COG5: variants seen among roughly 807,000 people sequenced by gnomAD.
COG5 encodes component of oligomeric golgi complex 5, also known as conserved oligomeric Golgi complex subunit 5.
In COG5, 86 loss-of-function variants were observed where a neutral mutation model predicts 110.4. The ratio of observed to expected loss-of-function variants is 0.78; its 90% CI spans 0.65 to 0.93. COG5 has a LOEUF of 0.93. COG5 is among the 40% of genes least tolerant of loss of function. The pLI is 0.00. For synonymous variants in COG5, 360 were observed against 334.6 expected, an observed-to-expected ratio of 1.08 and a Z score of -0.83; for missense variants, 1,077 against 987.0, an observed-to-expected ratio of 1.09 and a Z score of -1.22.
At chr7:107,400,301 A>G (rs1027641172) in intron 7 of COG5, among the ~76,000 whole-genome samples, 1 of 150,868 alleles carries the variant, frequency 6.6e-6, no homozygotes, top group African/African-American at 2.5e-5. Flanking sequence ...TAAGAGGAAG[A>G]GCACACTGTA....
At position 107,282,614 on chromosome 7, in the gene COG5, C is replaced by A. The variant is rs578202571; in HGVS notation, c.1475+957G>T. Among the ~76,000 whole-genome samples, 6 of 152,248 alleles carry A rather than the reference C, an allele frequency of 3.9e-5. No individual in the cohort carries two copies. The South Asian group carries it at 1.0e-3, about 26-fold the overall frequency. ...TCGGCTCACTGCAGCCTTCGCCTCC[C>A]GGATTCAAGCGATTCTGATGCCTCA... On this transcript the variant is annotated intron_variant, in intron 13 of 21. Transcript: ENST00000297135.
chr7:107,366,461 T>C (rs1243889122), intron 8 of COG5, among the ~76,000 whole-genome samples: 4 of 151,516 alleles, frequency 2.6e-5, no homozygotes, highest in African/African-American at 9.8e-5. Flanking sequence ...ACATTCAATA[T>C]ACAATGGAAG....
chr7:107,451,048 C>T (rs967153019), intron 6 of COG5, among the ~76,000 whole-genome samples: 3 of 152,278 alleles, frequency 2.0e-5, no homozygotes, highest in East Asian at 3.9e-4. Context: ...TAGAAGAGAA[C>T]TCCAATAGAG....
intron 11 of COG5, among the ~76,000 whole-genome samples, chr7:107,298,963 G>A (rs1807009100): frequency 6.6e-6 from 1 of 152,040 alleles, no homozygotes; most frequent in Non-Finnish European, 1.5e-5. Context: ...AATCAAAAGG[G>A]AAATGAGAAG....
intron 6 of COG5, among the ~76,000 whole-genome samples, chr7:107,469,761 C>G (rs938141353): frequency 2.0e-5 from 3 of 151,930 alleles, no homozygotes; most frequent in African/African-American, 4.8e-5. Flanking sequence ...CTATGTAATT[C>G]TTTCCTGTTC....
At chr7:107,452,186 A>C (rs75639044) in intron 6 of COG5, among the ~76,000 whole-genome samples, 22,825 of 152,040 alleles carry the variant, frequency 0.15, 2,112 homozygotes, top group Non-Finnish European at 0.2. Context: ...GGCATACTGG[A>C]CTTCCCTGTC....
intron 10 of COG5, among the ~76,000 whole-genome samples, chr7:107,343,901 G>T (rs901896582): frequency 3.3e-5 from 5 of 151,030 alleles, no homozygotes; most frequent in Non-Finnish European, 4.4e-5. Context: ...GGTCTTAACA[G>T]TAGGCTTAAA....
intron 10 of COG5, among the ~76,000 whole-genome samples, chr7:107,335,983 G>A (rs897370001): frequency 6.6e-6 from 1 of 152,008 alleles, no homozygotes; most frequent in Admixed American, 6.6e-5. Context: ...AAACGTTAAC[G>A]TATCTAAAAG....
At chr7:107,484,293 T>C (rs1016928475) in intron 6 of COG5, among the ~76,000 whole-genome samples, 5 of 152,200 alleles carry the variant, frequency 3.3e-5, no homozygotes, top group Admixed American at 6.5e-5. Context: ...ATGAAAAGAA[T>C]GAAACAATAC....
At chr7:107,416,505 C>A (rs1792857309) in intron 6 of COG5, among the ~76,000 whole-genome samples, 2 of 152,070 alleles carry the variant, frequency 1.3e-5, no homozygotes, top group Admixed American at 1.3e-4. Context: ...GCAGAGATAG[C>A]AGATACGTTA....
intron 6 of COG5, among the ~76,000 whole-genome samples, chr7:107,436,547 T>C (rs1289722124): frequency 6.6e-6 from 1 of 152,204 alleles, no homozygotes; most frequent in African/African-American, 2.4e-5. Context: ...TGCACAACTA[T>C]GTGAATGTAC....
chr7:107,517,642 G>T (rs112761295), intron 6 of COG5, among the ~76,000 whole-genome samples: 1 of 151,704 alleles, frequency 6.6e-6, no homozygotes, highest in Non-Finnish European at 1.5e-5. Context: ...GACTAACAGC[G>T]GATCTCTCAG....
intron 6 of COG5, among the ~76,000 whole-genome samples, chr7:107,492,195 G>A (rs1283582600): frequency 6.6e-6 from 1 of 151,494 alleles, no homozygotes; most frequent in Non-Finnish European, 1.5e-5. Flanking sequence ...GTGTGTGTGT[G>A]TGTGTGTGTA....
chr7:107,529,452 G>A (rs1042347880), intron 5 of COG5, among the ~76,000 whole-genome samples: 2 of 152,216 alleles, frequency 1.3e-5, no homozygotes, highest in African/African-American at 2.4e-5. Flanking sequence ...AACTTCCAGG[G>A]CATGTGCTTT....
At chr7:107,411,759 C>T (rs1212832141) in intron 7 of COG5, among the ~76,000 whole-genome samples, 3 of 152,104 alleles carry the variant, frequency 2.0e-5, no homozygotes, top group Non-Finnish European at 2.9e-5. Context: ...ACATTAATAA[C>T]ATTGTTTCTG....
chr7:107,248,114 A>T (rs762657203), intron 17 of COG5, among the ~76,000 whole-genome samples: 4 of 152,100 alleles, frequency 2.6e-5, no homozygotes, highest in Non-Finnish European at 5.9e-5. Context: ...AGTCCCACAG[A>T]CTCATTTTAT....
At chr7:107,441,754 A>T in intron 6 of COG5, among the ~76,000 whole-genome samples, 1 of 152,166 alleles carries the variant, frequency 6.6e-6, no homozygotes, top group Admixed American at 6.6e-5. Context: ...ATTTACTTAG[A>T]CCATATGTGC....
intron 10 of COG5, among the ~76,000 whole-genome samples, chr7:107,350,812 C>A (rs1812072595): frequency 6.6e-6 from 1 of 152,104 alleles, no homozygotes; most frequent in Non-Finnish European, 1.5e-5. Flanking sequence ...GCTACATCCC[C>A]AAAGCACAGA....
rs114644259 is a variant in COG5 at position 107,452,692 on chromosome 7, T to C, written c.539-40060A>G. On this transcript the variant is annotated intron_variant, in intron 6 of 21. Transcript: ENST00000297135. ...AGGCCTCCCCAGCCATGTGAAACTG[T>C]AAGTCCATTAAACCGTTTTTTCTTC... Among the ~76,000 whole-genome samples, 190 of 152,298 alleles carry C rather than the reference T, an allele frequency of 1.2e-3. 2 individuals carry two copies. Among genetic ancestry groups the C allele is most frequent in the African/African-American group, 4.4e-3 (181 of 41,574 alleles).
Sources: allele counts gnomAD v4.1 joint callset (sites outside exome capture counted in the v4.1 genomes callset), GRCh38; gene constraint gnomAD v4.1.1; transcripts MANE v1.5; gene names NCBI Gene and HGNC (gene_info 2026-07-23, HGNC 2026-07-21).